CERS3: variants seen among roughly 807,000 people sequenced by gnomAD.
The protein encoded by CERS3 is ceramide synthase 3.
CERS3 carries 33 observed loss-of-function variants against 50.3 expected under a neutral mutation model. That is an observed-to-expected ratio of 0.66 (90% confidence interval 0.50 to 0.88). CERS3 has a LOEUF of 0.88. Ranked by LOEUF, CERS3 falls within the 40% of genes least tolerant of loss-of-function variation. The pLI, the probability that CERS3 is intolerant of heterozygous loss-of-function variation, is 0.00. For synonymous variants in CERS3, 176 were observed against 155.2 expected (o/e 1.13, Z -0.99); for missense variants, 470 against 460.3 (o/e 1.02, Z -0.19).
intron 5 of CERS3, among the ~76,000 whole-genome samples, chr15:100,480,884 T>C (rs2035278903): frequency 6.6e-6 from 1 of 152,146 alleles, no homozygotes; most frequent in African/African-American, 2.4e-5. Context: ...AGAGAGGACA[T>C]AGGATTGGCC....
At chr15:100,417,820 C>T (rs959775243) in intron 11 of CERS3, among the ~76,000 whole-genome samples, 2 of 151,852 alleles carry the variant, frequency 1.3e-5, no homozygotes, top group African/African-American at 4.9e-5. Context: ...AGCAAGGGCA[C>T]ACTGACACCT....
intron 5 of CERS3, among the ~76,000 whole-genome samples, chr15:100,482,327 C>T (rs1370616760): frequency 6.6e-6 from 1 of 152,144 alleles, no homozygotes; most frequent in Non-Finnish European, 1.5e-5. Context: ...AAAGGAGGGA[C>T]TGCAGGGTGC....
intron 4 of CERS3, among the ~76,000 whole-genome samples, chr15:100,489,624 T>C (rs2035591709): frequency 6.6e-6 from 1 of 152,214 alleles, no homozygotes; most frequent in Non-Finnish European, 1.5e-5. Context: ...GAAAGAGCCC[T>C]ATCTTTTTTT....
intron 5 of CERS3, among the ~76,000 whole-genome samples, chr15:100,481,944 C>T (rs952544633): frequency 6.6e-6 from 1 of 152,222 alleles, no homozygotes; most frequent in African/African-American, 2.4e-5. Context: ...CATGTGATCA[C>T]AGTATTGCTC....
chr15:100,450,853 C>T (rs75300895), intron 11 of CERS3, among the ~76,000 whole-genome samples: 2,585 of 152,032 alleles, frequency 0.017, 32 homozygotes, highest in East Asian at 0.035. Context: ...GGACTAACAA[C>T]AGAAACCTTA....
At chr15:100,532,416 T>C (rs189854260), upstream of CERS3, among the ~76,000 whole-genome samples, 2 of 152,314 alleles carry the variant, frequency 1.3e-5, no homozygotes, top group Non-Finnish European at 2.9e-5. Context: ...TTTTATCTTA[T>C]CATTTTCATA....
chr15:100,442,173 T>G (rs908085613), intron 11 of CERS3, among the ~76,000 whole-genome samples: 10 of 152,136 alleles, frequency 6.6e-5, no homozygotes, highest in African/African-American at 2.2e-4. Context: ...TTTAGGCTCT[T>G]TTTCATCAAA....
chr15:100,520,712 A>G (rs950243161), intron 2 of CERS3, among the ~76,000 whole-genome samples: 1 of 152,164 alleles, frequency 6.6e-6, no homozygotes, highest in African/African-American at 2.4e-5. Context: ...GACAGGCCCA[A>G]GGCAGAGTGT....
intron 11 of CERS3, among the ~76,000 whole-genome samples, chr15:100,448,534 A>T (rs539244172): frequency 2.2e-4 from 33 of 152,318 alleles, no homozygotes; most frequent in African/African-American, 6.7e-4. Context: ...ACACAAAAGC[A>T]TTGCTCCATA....
chr15:100,469,506 C>T (rs763123794), intron 9 of CERS3, 22 bp from the exon 10 acceptor site: 17 of 1,492,562 alleles, frequency 1.1e-5, no homozygotes, highest in Non-Finnish European at 1.5e-5. Context: ...AAAGAAACTG[C>T]AGATAAAGTG....
At chr15:100,499,303 C>T (rs1449727442) in intron 3 of CERS3, among the ~76,000 whole-genome samples, 1 of 152,032 alleles carries the variant, frequency 6.6e-6, no homozygotes. Flanking sequence ...AAAGAATGCA[C>T]AGAAGATAAA....
chr15:100,426,226 T>G (rs1206862662), intron 11 of CERS3: 1 of 152,148 alleles, frequency 6.6e-6, no homozygotes, highest in East Asian at 1.9e-4. Context: ...TGAGTTCCTT[T>G]GAGATAGTGA....
intron 2 of CERS3, among the ~76,000 whole-genome samples, chr15:100,505,754 A>G (rs2036157908): frequency 6.6e-6 from 1 of 152,200 alleles, no homozygotes; most frequent in Non-Finnish European, 1.5e-5. Flanking sequence ...ACACCTATAC[A>G]TCCAGGACCC....
At chr15:100,539,669 G>T (rs894509574) in intron 1 of CERS3, among the ~76,000 whole-genome samples, 1 of 152,116 alleles carries the variant, frequency 6.6e-6, no homozygotes, top group Non-Finnish European at 1.5e-5. Flanking sequence ...TCTTTCCCTC[G>T]ACACATGTGG....
chr15:100,476,293 C>CA, intron 7 of CERS3, 115 bp from the exon 8 acceptor site: 1 of 524,038 alleles, frequency 1.9e-6, no homozygotes, highest in Middle Eastern at 2.9e-4. Flanking sequence ...CATAAAATAA[C>CA]ATTGACTGAT....
chr15:100,443,085 T>G (rs2033761182), intron 11 of CERS3, among the ~76,000 whole-genome samples: 1 of 152,022 alleles, frequency 6.6e-6, no homozygotes, highest in Non-Finnish European at 1.5e-5. Context: ...TCTGCTTCCC[T>G]GACTATTCCT....
intron 2 of CERS3, among the ~76,000 whole-genome samples, chr15:100,514,603 T>C (rs926066605): frequency 6.6e-6 from 1 of 152,190 alleles, no homozygotes; most frequent in African/African-American, 2.4e-5. Flanking sequence ...ACATTTGAAA[T>C]ATTAACTCCA....
chr15:100,538,512 C>A (rs543389147), intron 1 of CERS3, among the ~76,000 whole-genome samples: 1 of 152,256 alleles, frequency 6.6e-6, no homozygotes. Flanking sequence ...AGCCCCAACA[C>A]CACATGTAAA....
chr15:100,408,266 T>C (rs989632463), intron 11 of CERS3, among the ~76,000 whole-genome samples: 4 of 152,170 alleles, frequency 2.6e-5, no homozygotes, highest in South Asian at 4.1e-4. Flanking sequence ...AATATGTACT[T>C]TTCTTCGTTT....
Sources: gnomAD v4.1 joint callset for allele counts (sites outside exome capture counted in the v4.1 genomes callset) on GRCh38, gnomAD v4.1.1 for gene constraint, MANE v1.5 for transcripts, NCBI Gene and HGNC (gene_info 2026-07-23, HGNC 2026-07-21) for gene names.